FRMPD4: variants seen among roughly 807,000 people sequenced by gnomAD.
The protein encoded by FRMPD4 is FERM and PDZ domain containing 4, also known as FERM and PDZ domain-containing protein 4.
FRMPD4 carries 22 observed loss-of-function variants against 94.1 expected under a neutral mutation model. The ratio of observed to expected loss-of-function variants is 0.23; its 90% CI spans 0.17 to 0.33. The LOEUF (loss-of-function observed/expected upper bound fraction) is 0.33. FRMPD4 is among the 10% of genes least tolerant of loss of function. The probability of loss-of-function intolerance (pLI) is 1.00; values close to 1 mark genes in which losing one functional copy is unlikely to be tolerated. For synonymous variants in FRMPD4, 631 were observed against 548.6 expected (o/e 1.15, Z -2.10); for missense variants, 1,111 against 1,339.9 (o/e 0.83, Z 2.67).
chrX:12,105,585 T>G (rs927249374), intron 3 of FRMPD4, among the ~76,000 whole-genome samples: 1 of 112,539 alleles, frequency 8.9e-6, no homozygotes, highest in African/African-American at 3.2e-5. Flanking sequence ...GAATGTAATA[T>G]CTGAAAGCAG....
intron 1 of FRMPD4, chrX:12,396,012 G>T: frequency 6.4e-6 from 1 of 156,119 alleles, no homozygotes; most frequent in Non-Finnish European, 1.3e-5. Flanking sequence ...CAAAAATTCA[G>T]CACCTTTTTT....
upstream of FRMPD4, among the ~76,000 whole-genome samples, chrX:12,135,939 G>A (rs1381583391): frequency 9.0e-6 from 1 of 111,616 alleles, no homozygotes; most frequent in Non-Finnish European, 1.9e-5. Flanking sequence ...TCAGAGATGA[G>A]GGAACGTGTC....
At chrX:12,614,438 A>C (rs756028913) in intron 3 of FRMPD4, among the ~76,000 whole-genome samples, 1 of 110,319 alleles carries the variant, frequency 9.1e-6, no homozygotes, top group South Asian at 4.0e-4. Context: ...AGCACCTGGG[A>C]GCTTGTGAGA....
At chrX:12,362,478 T>C (rs1251878380) in intron 1 of FRMPD4, among the ~76,000 whole-genome samples, 2 of 111,463 alleles carry the variant, frequency 1.8e-5, no homozygotes, top group African/African-American at 3.3e-5. Flanking sequence ...GTCCTTGTGA[T>C]AGTTTGCGAG....
chrX:11,928,178 T>C (rs993762713), intron 3 of FRMPD4, among the ~76,000 whole-genome samples: 1 of 112,173 alleles, frequency 8.9e-6, no homozygotes, highest in Non-Finnish European at 1.9e-5. Flanking sequence ...ATTAGAGAAA[T>C]GCAAAACAAA....
intron 1 of FRMPD4, among the ~76,000 whole-genome samples, chrX:12,479,894 A>G: frequency 9.1e-6 from 1 of 110,025 alleles, no homozygotes; most frequent in Admixed American, 9.7e-5. Context: ...TGCAGAGGCT[A>G]GGGGAGATTG....
intron 3 of FRMPD4, among the ~76,000 whole-genome samples, chrX:11,882,074 G>A (rs1407233990): frequency 9.0e-6 from 1 of 111,677 alleles, no homozygotes; most frequent in Non-Finnish European, 1.9e-5. Context: ...TTCTATGTGT[G>A]CCAAGATATA....
At chrX:12,635,999 C>CAT (rs745311424) in intron 4 of FRMPD4, among the ~76,000 whole-genome samples, 1 of 111,735 alleles carries the variant, frequency 8.9e-6, no homozygotes, top group African/African-American at 3.3e-5. Context: ...TTATTTCATC[C>CAT]ATAGTTCAGT....
At chrX:12,587,317 AT>A (rs999989994) in intron 2 of FRMPD4, among the ~76,000 whole-genome samples, 3 of 111,730 alleles carry the variant, frequency 2.7e-5, no homozygotes, top group Admixed American at 9.5e-5. Flanking sequence ...ATAACCTAAA[AT>A]TTACTGCTAG....
intron 2 of FRMPD4, among the ~76,000 whole-genome samples, chrX:12,562,864 G>A (rs1411823790): frequency 1.8e-5 from 2 of 112,004 alleles, no homozygotes; most frequent in African/African-American, 6.5e-5. Context: ...TGCCCAGGCT[G>A]GTCTCAAACT....
intron 2 of FRMPD4, among the ~76,000 whole-genome samples, chrX:12,574,104 G>C (rs1301872798): frequency 9.0e-6 from 1 of 111,627 alleles, no homozygotes; most frequent in Non-Finnish European, 1.9e-5. Flanking sequence ...AGCTTCAAGT[G>C]ATTCTCCTGC....
intron 1 of FRMPD4, among the ~76,000 whole-genome samples, chrX:12,251,844 C>T (rs1396621058): frequency 8.9e-6 from 1 of 111,846 alleles, no homozygotes; most frequent in African/African-American, 3.3e-5. Context: ...AGAGAAACCT[C>T]AGTTCCACTC....
intron 1 of FRMPD4, among the ~76,000 whole-genome samples, chrX:12,148,885 A>G (rs1601630213): frequency 8.9e-6 from 1 of 112,315 alleles, no homozygotes; most frequent in East Asian, 2.8e-4. Context: ...ATGACAGTAC[A>G]TCTGTTTACA....
chrX:12,554,534 G>A (rs1457389617), intron 2 of FRMPD4, among the ~76,000 whole-genome samples: 1 of 112,343 alleles, frequency 8.9e-6, no homozygotes, highest in Non-Finnish European at 1.9e-5. Context: ...TTGTGTATAA[G>A]TATTCTTTTG....
intron 2 of FRMPD4, among the ~76,000 whole-genome samples, chrX:12,576,115 G>A (rs1456915520): frequency 8.9e-6 from 1 of 111,756 alleles, no homozygotes; most frequent in Non-Finnish European, 1.9e-5. Context: ...AATCTCATCC[G>A]ATGGATGTCA....
At chrX:12,432,757 T>C (rs1036190809) in intron 1 of FRMPD4, among the ~76,000 whole-genome samples, 1 of 112,124 alleles carries the variant, frequency 8.9e-6, no homozygotes, top group South Asian at 3.8e-4. Flanking sequence ...TGAAAGCCCA[T>C]CATTCTTGTT....
intron 6 of FRMPD4, among the ~76,000 whole-genome samples, chrX:12,684,334 T>C (rs1266554960): frequency 8.9e-6 from 1 of 112,378 alleles, no homozygotes; most frequent in Non-Finnish European, 1.9e-5. Context: ...TTTAAATAAA[T>C]CCACGAGGAT....
At chrX:11,978,183 G>A (rs942035685) in intron 3 of FRMPD4, among the ~76,000 whole-genome samples, 1 of 108,351 alleles carries the variant, frequency 9.2e-6, no homozygotes, top group Non-Finnish European at 1.9e-5. Flanking sequence ...TTAGCCGGGT[G>A]TGGTGGCAGG....
At chrX:12,680,579 G>C (rs2059960766) in intron 5 of FRMPD4, among the ~76,000 whole-genome samples, 1 of 112,156 alleles carries the variant, frequency 8.9e-6, no homozygotes, top group South Asian at 3.7e-4. Context: ...TCAGTTTTAT[G>C]AAATAGTCAC....
Sources: allele counts gnomAD v4.1 joint callset (sites outside exome capture counted in the v4.1 genomes callset), GRCh38; gene constraint gnomAD v4.1.1; transcripts MANE v1.5; gene names NCBI Gene and HGNC (gene_info 2026-07-23, HGNC 2026-07-21).